Variants in KLHDC8A observed in about 807,000 individuals in gnomAD.
KLHDC8A encodes kelch domain-containing protein 8A.
A neutral mutation model predicts 33.1 loss-of-function variants in KLHDC8A; 21 were observed. The ratio of observed to expected loss-of-function variants is 0.64; its 90% CI spans 0.45 to 0.91. The LOEUF (loss-of-function observed/expected upper bound fraction) is 0.91, where lower values mean the gene tolerates loss of function less well. Ranked by LOEUF, KLHDC8A falls within the 40% of genes least tolerant of loss-of-function variation. The pLI is 0.00. For synonymous variants in KLHDC8A, 173 were observed against 193.5 expected, an observed-to-expected ratio of 0.89 and a Z score of 0.88; for missense variants, 435 against 483.3, an observed-to-expected ratio of 0.90 and a Z score of 0.94.
chr1:205,346,502 G>C (rs938661902), intron 1 of KLHDC8A, among the ~76,000 whole-genome samples: 2 of 152,190 alleles, frequency 1.3e-5, no homozygotes. Context: ...CAGATAGACA[G>C]AGCTCCACTC....
At chr1:205,355,546 CAAT>C (rs1369420475) in intron 1 of KLHDC8A, among the ~76,000 whole-genome samples, 1 of 152,106 alleles carries the variant, frequency 6.6e-6, no homozygotes, top group African/African-American at 2.4e-5. Flanking sequence ...CATAAAAAGT[CAAT>C]AATAACAATA....
chr1:205,337,596 A>C lies in KLHDC8A; in HGVS notation c.860-4T>G, dbSNP rs1662671881. 2 of 1,604,210 alleles carry C rather than the reference A, an allele frequency of 1.2e-6. No individual in the cohort carries two copies. The highest frequency in any genetic ancestry group is 1.7e-6 in the Non-Finnish European group (2 of 1,174,044). ...TCCAGGACAGTGGGTTGATTCCCTG[A>C]AAGTGTCAAGGGAATCAGACCTTAC... is the stretch of plus-strand genomic sequence containing the variant. On this transcript the variant is annotated splice_polypyrimidine_tract_variant and splice_region_variant and intron_variant, in intron 5 of 5. Transcript: ENST00000367155.
chr1:205,345,131 A>T (rs958018778), intron 1 of KLHDC8A, among the ~76,000 whole-genome samples: 1 of 152,310 alleles, frequency 6.6e-6, no homozygotes, highest in Admixed American at 6.5e-5. Flanking sequence ...GGCCGATGGG[A>T]TCTTCCTCCT....
intron 1 of KLHDC8A, among the ~76,000 whole-genome samples, chr1:205,354,375 A>G (rs1411344739): frequency 6.6e-6 from 1 of 152,232 alleles, no homozygotes; most frequent in East Asian, 1.9e-4. Context: ...AAGGCACTTC[A>G]GTTCATCTCA....
Position 205,356,661 on chromosome 1 carries a change from G to A in KLHDC8A, c.-318C>T, listed in dbSNP as rs1485450689. The A allele has an allele frequency of 8.9e-6, 4 of 450,700 alleles. No individual in the cohort carries two copies. The highest frequency in any genetic ancestry group is 1.8e-5 in the Non-Finnish European group (4 of 224,328). The allele number at this position is 450,700 out of a possible 1,614,324, so 27.9% of individuals were successfully genotyped here. ...CTAGGAGCTGGCTGGGAATAGAGTC[G>A]GCAAGGTCCCCAGGGTCCCCAGGGC... On this transcript the variant is annotated 5_prime_UTR_variant, in exon 1 of 6. Transcript: ENST00000367155.
Position 205,344,988 on chromosome 1 carries a change from C to T in KLHDC8A, c.-189-1195G>A, listed in dbSNP as rs975254109. Among the ~76,000 whole-genome samples, 14 of 152,266 alleles carry T rather than the reference C, an allele frequency of 9.2e-5. No individual in the cohort carries two copies. The South Asian group carries it at 1.0e-3, about 11-fold the overall frequency. On this transcript the variant is annotated intron_variant, in intron 1 of 5. Coordinates refer to ENST00000367155, the MANE Select transcript of KLHDC8A (RefSeq NM_018203.3). ...AACCTGATGATCAAATCTCCGTCCT[C>T]GGCACCAACTCGCAGGGCTTGACAA...
At chr1:205,343,154 G>A (rs1196699033) in intron 2 of KLHDC8A, 75 bp downstream of exon 2, 24 of 1,516,800 alleles carry the variant, frequency 1.6e-5, no homozygotes, top group Admixed American at 1.1e-4. Flanking sequence ...GCAAATGCCT[G>A]TTGGTTTCCA....
Position 205,343,605 on chromosome 1 carries a change from G to A in KLHDC8A, c.-1C>T. 3 of 1,589,468 alleles carry A rather than the reference G, an allele frequency of 1.9e-6. No homozygotes were observed. The highest frequency in any genetic ancestry group is 2.6e-6 in the Non-Finnish European group (3 of 1,165,050). On this transcript the variant is annotated 5_prime_UTR_variant, in exon 2 of 6. Transcript: ENST00000367155. ...AGTCCTTGACGTTAGGCACCTCCAT[G>A]GCAGCCTTGGGGAGCGCCCGGGCGC...
chr1:205,353,443 A>G (rs992995565), intron 1 of KLHDC8A, among the ~76,000 whole-genome samples: 5 of 152,206 alleles, frequency 3.3e-5, no homozygotes, highest in African/African-American at 1.2e-4. Flanking sequence ...AATGTTTACT[A>G]TCTGGCCCTT....
intron 2 of KLHDC8A, among the ~76,000 whole-genome samples, chr1:205,341,324 T>C (rs1662783053): frequency 6.7e-6 from 1 of 149,870 alleles, no homozygotes; most frequent in South Asian, 2.1e-4. Context: ...ATTGTAGGGA[T>C]GAGTACTATT....
chr1:205,342,907 G>C (rs955740233), intron 2 of KLHDC8A, among the ~76,000 whole-genome samples: 6 of 152,088 alleles, frequency 3.9e-5, no homozygotes, highest in African/African-American at 1.2e-4. Context: ...GAGGCAGAGG[G>C]GCAGGTTGAA....
chr1:205,353,015 T>C (rs139438076), intron 1 of KLHDC8A, among the ~76,000 whole-genome samples: 96 of 152,350 alleles, frequency 6.3e-4, no homozygotes, highest in African/African-American at 2.3e-3. Flanking sequence ...TCTCTAGTCC[T>C]GGCCCAGAAA....
Position 205,356,840 on chromosome 1 carries a change from G to A in KLHDC8A, c.-497C>T, listed in dbSNP as rs1262871574. 1 of 276,748 alleles carries A rather than the reference G, an allele frequency of 3.6e-6. No individual in the cohort carries two copies. The highest frequency in any genetic ancestry group is 7.3e-6 in the Non-Finnish European group (1 of 137,786). 17.1% of individuals were successfully genotyped at this position (276,748 alleles called of 1,614,324 possible). A position where few individuals can be genotyped will look rare whatever the true frequency, so the allele number is the denominator to read the frequency against. On this transcript the variant is annotated 5_prime_UTR_variant, in exon 1 of 6. Transcript: ENST00000367155. Reference sequence around the variant, plus strand: ...CCAGGAGGCGTGACCCCCCTACTGAGAGGGCCTCAGCCAGCTCGTCAGAGC... The same window carrying A: ...CCAGGAGGCGTGACCCCCCTACTGAAAGGGCCTCAGCCAGCTCGTCAGAGC...
At chr1:205,350,518 A>G (rs755688669) in intron 1 of KLHDC8A, among the ~76,000 whole-genome samples, 3 of 152,070 alleles carry the variant, frequency 2.0e-5, no homozygotes, top group African/African-American at 4.8e-5. Flanking sequence ...CAGAGCCTTT[A>G]TGAGGGCAGC....
intron 1 of KLHDC8A, among the ~76,000 whole-genome samples, chr1:205,352,261 C>G (rs147503654): frequency 6.6e-6 from 1 of 152,154 alleles, no homozygotes; most frequent in Non-Finnish European, 1.5e-5. Flanking sequence ...AGGGAGGTCC[C>G]GCTCACTCTC....
chr1:205,353,352 C>T (rs1195329320), intron 1 of KLHDC8A, among the ~76,000 whole-genome samples: 3 of 152,140 alleles, frequency 2.0e-5, no homozygotes, highest in Non-Finnish European at 1.5e-5. Context: ...CACTCATTTA[C>T]GTGTTGTCTA....
chr1:205,339,497 C>G lies in KLHDC8A; in HGVS notation c.542-88G>C. 1 of 1,433,820 alleles carries G rather than the reference C, an allele frequency of 7.0e-7. No homozygotes were observed. The highest frequency in any genetic ancestry group is 9.7e-7 in the Non-Finnish European group (1 of 1,036,148). 88.8% of individuals were successfully genotyped at this position (1,433,820 alleles called of 1,614,324 possible). On this transcript the variant is annotated intron_variant, in intron 3 of 5. Coordinates refer to ENST00000367155, the MANE Select transcript of KLHDC8A (RefSeq NM_018203.3). This position sits in a 1 kb window ranked among gnomAD's most constrained non-coding sequence, Gnocchi z 5.1. ...AAAGGGTTTCCCCTTTTGACAGTTA[C>G]TCATTCATACAGGAAGCTCCCGGTG...
At chr1:205,342,158 A>G (rs1297612497) in intron 2 of KLHDC8A, among the ~76,000 whole-genome samples, 5 of 152,212 alleles carry the variant, frequency 3.3e-5, no homozygotes, top group Admixed American at 2.0e-4. Flanking sequence ...TGGGCCTTAC[A>G]CTGCTTCTCT....
In KLHDC8A at chr1:205,356,631, T is replaced by A. The variant is rs1663283939; in HGVS notation, c.-288A>T. On this transcript the variant is annotated 5_prime_UTR_variant, in exon 1 of 6. It adds an upstream start codon to the 5' untranslated region. Transcript: ENST00000367155. Reference sequence around the variant, plus strand: ...GTCGAGCGGGTGTTGGCTCTGAGGCTTGTCCTAGGAGCTGGCTGGGAATAG... The same window carrying A: ...GTCGAGCGGGTGTTGGCTCTGAGGCATGTCCTAGGAGCTGGCTGGGAATAG... The A allele has an allele frequency of 2.2e-6, 1 of 455,544 alleles. No homozygotes were observed. Among genetic ancestry groups the A allele is most frequent in the Non-Finnish European group, 4.4e-6 (1 of 226,730 alleles). 28.2% of individuals were successfully genotyped at this position (455,544 alleles called of 1,614,324 possible). A position where few individuals can be genotyped will look rare whatever the true frequency, so the allele number is the denominator to read the frequency against.
Sources: gnomAD v4.1 joint callset for allele counts (sites outside exome capture counted in the v4.1 genomes callset) on GRCh38, gnomAD v4.1.1 for gene constraint, Gnocchi (gnomAD v3.1) non-coding constraint, MANE v1.5 for transcripts, NCBI Gene and HGNC (gene_info 2026-07-23, HGNC 2026-07-21) for gene names.